SHISA6: variants seen among roughly 807,000 people sequenced by gnomAD.
SHISA6 encodes protein shisa-6.
SHISA6 carries 22 observed loss-of-function variants against 47.9 expected under a neutral mutation model. That is an observed-to-expected ratio of 0.46 (90% CI 0.33 to 0.66). SHISA6 has a LOEUF of 0.66. Ranked by LOEUF, SHISA6 falls within the 30% of genes least tolerant of loss-of-function variation. The pLI, the probability that SHISA6 is intolerant of heterozygous loss-of-function variation, is 0.02. For missense variants in SHISA6, 680 were observed against 764.6 expected, an observed-to-expected ratio of 0.89 and a Z score of 1.30; for synonymous variants, 388 against 337.8, an observed-to-expected ratio of 1.15 and a Z score of -1.63.
At chr17:11,310,635 AG>A (rs1439724365) in intron 2 of SHISA6, among the ~76,000 whole-genome samples, 1 of 152,184 alleles carries the variant, frequency 6.6e-6, no homozygotes, top group Non-Finnish European at 1.5e-5. Flanking sequence ...AAGCTCTTAG[AG>A]GGTTAGGGGC....
At chr17:11,400,265 G>A (rs969558141) in intron 3 of SHISA6, among the ~76,000 whole-genome samples, 3 of 152,152 alleles carry the variant, frequency 2.0e-5, no homozygotes, top group Non-Finnish European at 2.9e-5. Context: ...AGAAACTGAC[G>A]TTCGTTTTCT....
chr17:11,287,350 A>C (rs1033361029), intron 2 of SHISA6, among the ~76,000 whole-genome samples: 12 of 151,842 alleles, frequency 7.9e-5, no homozygotes, highest in Admixed American at 7.2e-4. Flanking sequence ...CAAATATCTA[A>C]ATTTTTAGAA....
At chr17:11,342,836 G>A (rs1237454403) in intron 2 of SHISA6, among the ~76,000 whole-genome samples, 1 of 152,194 alleles carries the variant, frequency 6.6e-6, no homozygotes, top group Non-Finnish European at 1.5e-5. Flanking sequence ...TGTTGGTTCT[G>A]AGATATCCTT....
At chr17:11,368,706 G>T (rs995941604) in intron 2 of SHISA6, among the ~76,000 whole-genome samples, 4 of 151,998 alleles carry the variant, frequency 2.6e-5, no homozygotes, top group African/African-American at 9.7e-5. Flanking sequence ...GCCCAGGCTG[G>T]AGTGCAGTGG....
At chr17:11,271,455 G>C (rs1023054663) in intron 2 of SHISA6, among the ~76,000 whole-genome samples, 8 of 151,916 alleles carry the variant, frequency 5.3e-5, no homozygotes, top group African/African-American at 1.7e-4. Context: ...TTTTTATTTC[G>C]AGATGGAGTT....
intron 3 of SHISA6, among the ~76,000 whole-genome samples, chr17:11,487,068 C>A (rs1047713839): frequency 6.6e-6 from 1 of 152,208 alleles, no homozygotes; most frequent in Non-Finnish European, 1.5e-5. Context: ...AGAGAACTTA[C>A]AATCTAAGAT....
intron 3 of SHISA6, among the ~76,000 whole-genome samples, chr17:11,427,425 G>A (rs556437509): frequency 4.8e-4 from 73 of 152,154 alleles, no homozygotes; most frequent in Non-Finnish European, 9.3e-4. Flanking sequence ...GAGCCACCGC[G>A]CCCGGCCCTT....
At chr17:11,409,972 A>G (rs1003590712) in intron 3 of SHISA6, among the ~76,000 whole-genome samples, 4 of 152,160 alleles carry the variant, frequency 2.6e-5, no homozygotes, top group African/African-American at 4.8e-5. Context: ...GGTTATATGG[A>G]GATGAAAAGA....
intron 3 of SHISA6, among the ~76,000 whole-genome samples, chr17:11,384,559 T>C (rs1057287927): frequency 2.0e-5 from 3 of 152,214 alleles, no homozygotes; most frequent in Non-Finnish European, 4.4e-5. Context: ...GCCAGAGAAT[T>C]CTTTCCAGAA....
At chr17:11,557,093 T>TC (rs2071988399) in intron 5 of SHISA6, among the ~76,000 whole-genome samples, 1 of 152,148 alleles carries the variant, frequency 6.6e-6, no homozygotes, top group African/African-American at 2.4e-5. Context: ...TGTAGGCTGA[T>TC]TATGTGGCTG....
At chr17:11,442,172 A>G (rs1270907017) in intron 3 of SHISA6, among the ~76,000 whole-genome samples, 2 of 152,072 alleles carry the variant, frequency 1.3e-5, no homozygotes, top group Non-Finnish European at 2.9e-5. Flanking sequence ...TAATACTATC[A>G]TGTCTTAGTA....
chr17:11,270,123 G>A (rs956718133), intron 2 of SHISA6, among the ~76,000 whole-genome samples: 1 of 152,078 alleles, frequency 6.6e-6, no homozygotes, highest in Non-Finnish European at 1.5e-5. Context: ...TTACAGGTGT[G>A]CATCACCACC....
intron 2 of SHISA6, among the ~76,000 whole-genome samples, chr17:11,371,779 A>G (rs1384067416): frequency 6.6e-6 from 1 of 152,168 alleles, no homozygotes; most frequent in African/African-American, 2.4e-5. Flanking sequence ...ATAATCCCAG[A>G]TAAACTCTAA....
chr17:11,481,360 G>GTATATA (rs1346846568), intron 3 of SHISA6, among the ~76,000 whole-genome samples: 2 of 111,578 alleles, frequency 1.8e-5, no homozygotes, highest in African/African-American at 7.1e-5. Context: ...GTGTGTGTGT[G>GTATATA]TGTGTGTATA....
At chr17:11,253,053 C>T (rs1033083429) in intron 1 of SHISA6, among the ~76,000 whole-genome samples, 1 of 152,162 alleles carries the variant, frequency 6.6e-6, no homozygotes, top group African/African-American at 2.4e-5. Flanking sequence ...GCTTTTGAGC[C>T]GAGGATCTCT....
chr17:11,336,689 GC>G (rs1911334127), intron 2 of SHISA6, among the ~76,000 whole-genome samples: 3 of 152,210 alleles, frequency 2.0e-5, no homozygotes, highest in Admixed American at 6.5e-5. Flanking sequence ...CACCAGCAAA[GC>G]CTTTCCCTGG....
chr17:11,360,520 A>G (rs1912231724), intron 2 of SHISA6, among the ~76,000 whole-genome samples: 1 of 151,338 alleles, frequency 6.6e-6, no homozygotes, highest in Admixed American at 6.6e-5. Context: ...AGCCTGTGCC[A>G]CTGCACTCCA....
chr17:11,502,469 C>T (rs926712767), intron 3 of SHISA6, among the ~76,000 whole-genome samples: 1 of 136,676 alleles, frequency 7.3e-6, no homozygotes, highest in South Asian at 2.4e-4. Flanking sequence ...GGCTCACAGC[C>T]GTAATCCCAG....
chr17:11,450,000 T>C (rs945193185), intron 3 of SHISA6, among the ~76,000 whole-genome samples: 6 of 152,316 alleles, frequency 3.9e-5, no homozygotes, highest in African/African-American at 1.2e-4. Flanking sequence ...TTCTCCTGCG[T>C]CAGCCTCCCA....
Sources: gnomAD v4.1 joint callset for allele counts (sites outside exome capture counted in the v4.1 genomes callset) on GRCh38, gnomAD v4.1.1 for gene constraint, MANE v1.5 for transcripts, NCBI Gene and HGNC (gene_info 2026-07-23, HGNC 2026-07-21) for gene names.